Variants in TRPC7 observed in about 807,000 individuals in gnomAD.
TRPC7 encodes the protein short transient receptor potential channel 7.
TRPC7 carries 42 observed loss-of-function variants against 90.1 expected under a neutral mutation model. The ratio of observed to expected loss-of-function variants is 0.47; its 90% CI spans 0.36 to 0.60. The LOEUF is 0.60. Ranked by LOEUF, TRPC7 falls within the 20% of genes least tolerant of loss-of-function variation. TRPC7 has a pLI of 0.00. For missense variants in TRPC7, 955 were observed against 1,112.3 expected, an observed-to-expected ratio of 0.86 and a Z score of 2.01; for synonymous variants, 451 against 436.3, an observed-to-expected ratio of 1.03 and a Z score of -0.42.
chr5:136,289,709 C>T (rs1357522170), intron 3 of TRPC7, among the ~76,000 whole-genome samples: 1 of 152,252 alleles, frequency 6.6e-6, no homozygotes, highest in Non-Finnish European at 1.5e-5. Context: ...TAGGCTCCAC[C>T]TCTAGGGGCA....
intron 2 of TRPC7, among the ~76,000 whole-genome samples, chr5:136,330,999 CG>C: frequency 6.6e-6 from 1 of 152,126 alleles, no homozygotes; most frequent in African/African-American, 2.4e-5. Flanking sequence ...GGAGTCCCCC[CG>C]CCAGCAGTGG....
chr5:136,358,779 AC>A (rs1760469922), intron 1 of TRPC7, among the ~76,000 whole-genome samples: 1 of 151,986 alleles, frequency 6.6e-6, no homozygotes, highest in Admixed American at 6.6e-5. Context: ...CACATCTTAA[AC>A]TTTTTTGATT....
chr5:136,284,942 C>A (rs899554723), intron 3 of TRPC7, among the ~76,000 whole-genome samples: 14 of 152,328 alleles, frequency 9.2e-5, no homozygotes, highest in African/African-American at 3.4e-4. Context: ...CACCCCTGAG[C>A]TGTGTCTATT....
At position 136,356,880 on chromosome 5, in the gene TRPC7, G is replaced by A; in HGVS notation, c.508C>T (p.Leu170=). Reference sequence around the variant, plus strand: ...TCATACTCCTGGCAGTGCGCCGCCAGGATGATGGGCGTGATGTCGTGGGAG... The same window carrying A: ...TCATACTCCTGGCAGTGCGCCGCCAAGATGATGGGCGTGATGTCGTGGGAG... ...RFSHDITPII[L]AAHCQEYEIV... The change falls in exon 2 of 12, where the codon CTG becomes TTG. Residue 170 remains leucine (L), a synonymous_variant. Transcript: ENST00000513104. 1 of 1,613,958 alleles carries A rather than the reference G, an allele frequency of 6.2e-7. No homozygotes were observed. Among genetic ancestry groups the A allele is most frequent in the Non-Finnish European group, 8.5e-7 (1 of 1,179,962 alleles).
chr5:136,363,820 T>C (rs1181294063), intron 1 of TRPC7, among the ~76,000 whole-genome samples: 1 of 152,212 alleles, frequency 6.6e-6, no homozygotes, highest in Non-Finnish European at 1.5e-5. Flanking sequence ...TATGTGCTTC[T>C]ATTTTTCTTT....
At chr5:136,327,250 T>A (rs75381675) in intron 2 of TRPC7, among the ~76,000 whole-genome samples, 91 of 152,114 alleles carry the variant, frequency 6.0e-4, no homozygotes, top group African/African-American at 2.1e-3. Context: ...AGATAATGGG[T>A]GATATAATAT....
Position 136,225,317 on chromosome 5 carries a change from T to C in TRPC7, c.2300A>G (p.Asn767Ser). 6.2e-7 allele frequency: 1 copy of C among 1,613,242 alleles called. No individual in the cohort carries two copies. The highest frequency in any genetic ancestry group is 8.5e-7 in the Non-Finnish European group (1 of 1,179,734). ...RYQAGMRNSE[N>S]LTANNTLSKP... ...GCTCAAAGTGTTATTTGCTGTCAGA[T>C]TTTCAGAATTCCTCATGCCAGCCTG... The change falls in exon 10 of 12, where the codon AAT (asparagine) becomes AGT (serine). Residue 767 changes from asparagine to serine, a missense_variant. Transcript: ENST00000513104.
At position 136,356,447 on chromosome 5, in the gene TRPC7, C is replaced by G. The variant is rs538353497; in HGVS notation, c.780+161G>C. Among the ~76,000 whole-genome samples, 6 of 152,316 alleles carry G rather than the reference C, an allele frequency of 3.9e-5. No homozygotes were observed. The South Asian group carries it at 1.0e-3, about 26-fold the overall frequency. On this transcript the variant is annotated intron_variant, in intron 2 of 11. Transcript: ENST00000513104. ...GAGGGCTGCTTTTCCTCAGGCCTAT[C>G]TCTGATAAGTGAGATGTGTTCCCCT...
At chr5:136,358,879 T>G (rs934066623) in intron 1 of TRPC7, among the ~76,000 whole-genome samples, 3 of 152,252 alleles carry the variant, frequency 2.0e-5, no homozygotes, top group African/African-American at 7.2e-5. Context: ...TGGCATAAAT[T>G]TTATCAAGAG....
intron 4 of TRPC7, among the ~76,000 whole-genome samples, chr5:136,268,304 T>A (rs1757102013): frequency 6.6e-6 from 1 of 151,004 alleles, no homozygotes; most frequent in Admixed American, 6.6e-5. Flanking sequence ...AGATGGAGAA[T>A]GACTGCAGGG....
rs540436328 is a variant in TRPC7 at position 136,305,009 on chromosome 5, T to A, written c.963+10588A>T. ...TAGAGGCCCTAAAAATCACAAACTA[T>A]GCTCAACTCACTCTCTACATTTCTC... On this transcript the variant is annotated intron_variant, in intron 3 of 11. Transcript: ENST00000513104. Among the ~76,000 whole-genome samples, 410 of 144,530 alleles carry A rather than the reference T, an allele frequency of 2.8e-3. 2 individuals are homozygous for A. The highest frequency in any genetic ancestry group is 0.01 in the African/African-American group (388 of 38,740). The allele number at this position is 144,530 out of a possible 152,430, so 94.8% of individuals were successfully genotyped here.
intron 3 of TRPC7, among the ~76,000 whole-genome samples, chr5:136,299,569 A>G (rs1328288916): frequency 6.6e-6 from 1 of 152,208 alleles, no homozygotes; most frequent in Non-Finnish European, 1.5e-5. Context: ...AAGTGACCTT[A>G]GGCAGATGAA....
chr5:136,273,576 C>T (rs1177688235), intron 4 of TRPC7, among the ~76,000 whole-genome samples: 1 of 152,110 alleles, frequency 6.6e-6, no homozygotes, highest in Admixed American at 6.6e-5. Flanking sequence ...GTGGCCTCAC[C>T]AGCAGCCCCG....
chr5:136,350,829 C>A (rs549749839), intron 2 of TRPC7, among the ~76,000 whole-genome samples: 1 of 152,196 alleles, frequency 6.6e-6, no homozygotes, highest in Non-Finnish European at 1.5e-5. Flanking sequence ...CCTCTACTCA[C>A]ACTTCTGCAT....
intron 5 of TRPC7, among the ~76,000 whole-genome samples, chr5:136,252,498 A>G (rs1182854407): frequency 6.6e-6 from 1 of 152,154 alleles, no homozygotes; most frequent in Non-Finnish European, 1.5e-5. Context: ...TCATTGTTAC[A>G]TACTAAACAA....
At chr5:136,312,438 A>G (rs1389410130) in intron 3 of TRPC7, among the ~76,000 whole-genome samples, 1 of 152,128 alleles carries the variant, frequency 6.6e-6, no homozygotes, top group African/African-American at 2.4e-5. Context: ...AGAGAACTTT[A>G]TAGTTTCTAG....
At chr5:136,335,862 C>A (rs1231596228) in intron 2 of TRPC7, among the ~76,000 whole-genome samples, 2 of 145,518 alleles carry the variant, frequency 1.4e-5, no homozygotes, top group Non-Finnish European at 3.0e-5. Context: ...CAAGATCACG[C>A]CACTGCACTC....
At chr5:136,305,551 C>G (rs1343461047) in intron 3 of TRPC7, among the ~76,000 whole-genome samples, 1 of 152,078 alleles carries the variant, frequency 6.6e-6, no homozygotes, top group Non-Finnish European at 1.5e-5. Flanking sequence ...CTCAACATGC[C>G]CCAACTCAGC....
chr5:136,350,606 GAAA>G (rs1259868471), intron 2 of TRPC7, among the ~76,000 whole-genome samples: 1 of 152,082 alleles, frequency 6.6e-6, no homozygotes, highest in Non-Finnish European at 1.5e-5. Flanking sequence ...CAGAAAAATA[GAAA>G]AAAACAAAGC....
Sources: gnomAD v4.1 joint callset for allele counts (sites outside exome capture counted in the v4.1 genomes callset) on GRCh38, gnomAD v4.1.1 for gene constraint, MANE v1.5 for transcripts, NCBI Gene and HGNC (gene_info 2026-07-23, HGNC 2026-07-21) for gene names.